The following KLF17 variants were observed in gnomAD, a reference collection of about 807,000 sequenced individuals.
KLF17 encodes Krueppel-like factor 17.
A neutral mutation model predicts 34.2 loss-of-function variants in KLF17; 31 were observed. The ratio of observed to expected loss-of-function variants is 0.91; its 90% CI spans 0.68 to 1.22. The LOEUF is 1.22. KLF17 is among the 50% of genes most tolerant of loss of function. KLF17 has a pLI of 0.00. For synonymous variants in KLF17, 179 were observed against 186.7 expected (o/e 0.96, Z 0.34); for missense variants, 478 against 505.2 (o/e 0.95, Z 0.52).
chr1:44,130,805 T>G (rs574092497), intron 3 of KLF17, 49 bp downstream of exon 3: 28 of 1,596,840 alleles, frequency 1.8e-5, no homozygotes, highest in Non-Finnish European at 2.4e-5. Context: ...TTTTTCCTTT[T>G]TATTTTTTTG....
Position 44,129,814 on chromosome 1 carries a change from CCT to C in KLF17, c.547_548del (p.Ser183AspfsTer5). ...TGNPPVPYPGLSTVPSDETLL... is the reference protein window; with the variant it reads ...TGNPPVPYPGXSTVPSDETLL... The stretch of plus-strand genomic sequence containing the variant: ...GGAACCCTCCAGTGCCTTACCCTGG[CCT>C]CTCGACAGTACCTTCTGACGAAACA... On this transcript the variant is annotated frameshift_variant, in exon 2 of 4. Transcript: ENST00000372299. LOFTEE classifies it high-confidence loss of function. 4.3e-6 allele frequency: 7 copies of C among 1,614,204 alleles called. No homozygotes were observed. Among genetic ancestry groups the C allele is most frequent in the Non-Finnish European group, 5.9e-6 (7 of 1,180,040 alleles).
chr1:44,103,549 T>C, the KLF17 span: 4 of 1,454,734 alleles, frequency 2.7e-6, no homozygotes, highest in South Asian at 4.6e-5. Context: ...ATACTCCTGT[T>C]CTGCATCCCA....
At position 44,133,756 on chromosome 1, in the gene KLF17, C is replaced by T. The variant is rs1191406631; in HGVS notation, c.*519C>T. 1 of 152,318 alleles carries T rather than the reference C, an allele frequency of 6.6e-6. No homozygotes were observed. Among genetic ancestry groups the T allele is most frequent in the African/African-American group, 2.4e-5 (1 of 41,452 alleles). 9.4% of individuals were successfully genotyped at this position (152,318 alleles called of 1,614,324 possible). A position where few individuals can be genotyped will look rare whatever the true frequency, so the allele number is the denominator to read the frequency against. Reference sequence around the variant, plus strand: ...ACCCTGACCTTGTCCTACTTCACTGCCTTTGTCTGTGTTACTAGTGGCCCC... The same window carrying T: ...ACCCTGACCTTGTCCTACTTCACTGTCTTTGTCTGTGTTACTAGTGGCCCC... On this transcript the variant is annotated 3_prime_UTR_variant, in exon 4 of 4. Transcript: ENST00000372299.
chr1:44,054,878 C>T, the KLF17 span, among the ~76,000 whole-genome samples: 1 of 149,360 alleles, frequency 6.7e-6, no homozygotes, highest in East Asian at 2.0e-4. Context: ...CTCCTGGGTT[C>T]AAGCAATTCT....
chr1:44,100,242 A>T, the KLF17 span, among the ~76,000 whole-genome samples: 1 of 145,198 alleles, frequency 6.9e-6, no homozygotes, highest in Admixed American at 7.2e-5. Flanking sequence ...TGGGTAACAG[A>T]GTGAGACTCC....
At chr1:44,100,703 CG>C in the KLF17 span, among the ~76,000 whole-genome samples, 3 of 151,700 alleles carry the variant, frequency 2.0e-5, no homozygotes, top group African/African-American at 7.3e-5. Flanking sequence ...TCACCTAGGC[CG>C]GAGTGCAGTG....
At chr1:44,086,786 C>T in the KLF17 span, among the ~76,000 whole-genome samples, 778 of 152,246 alleles carry the variant, frequency 5.1e-3, 4 homozygotes, top group African/African-American at 0.018. Flanking sequence ...TGTGGGAGTT[C>T]TCTCCTGGTG....
chr1:44,134,524 C>T lies in KLF17; in HGVS notation c.*1287C>T, dbSNP rs1312932716. ...CCTGGGCGACTGAGCGAGACTCTAT[C>T]TCAAAACAATCAAAACAAAAAAGAC... On this transcript the variant is annotated 3_prime_UTR_variant, in exon 4 of 4. Coordinates refer to ENST00000372299, the MANE Select transcript of KLF17 (RefSeq NM_173484.4). 6.6e-6 allele frequency: 1 copy of T among 152,162 alleles called. No individual in the cohort carries two copies. Among genetic ancestry groups the T allele is most frequent in the African/African-American group, 2.4e-5 (1 of 41,430 alleles). The allele number at this position is 152,162 out of a possible 1,614,324, so 9.4% of individuals were successfully genotyped here.
At chr1:44,095,496 T>A in the KLF17 span, among the ~76,000 whole-genome samples, 1 of 152,168 alleles carries the variant, frequency 6.6e-6, no homozygotes, top group African/African-American at 2.4e-5. Flanking sequence ...ATTACAGACA[T>A]GAGCCACCAT....
At chr1:44,091,653 A>G in the KLF17 span, among the ~76,000 whole-genome samples, 28 of 151,060 alleles carry the variant, frequency 1.9e-4, 1 homozygote, top group African/African-American at 3.1e-4. Flanking sequence ...AAAAAAAAAA[A>G]AAGAAGAACA....
chr1:44,116,068 G>A (rs2087876957), upstream of KLF17, among the ~76,000 whole-genome samples: 1 of 152,108 alleles, frequency 6.6e-6, no homozygotes, highest in South Asian at 2.1e-4. Flanking sequence ...TCTGCTCTGT[G>A]TGTCAAACAT....
In KLF17 at chr1:44,118,901, A is replaced by G; in HGVS notation, c.-7A>G. ...TCAGTAGAGAGTCTAGACCCCACCC[A>G]GTCTTCATGTACGGCCGACCGCAGG... On this transcript the variant is annotated 5_prime_UTR_variant, in exon 1 of 4. Transcript: ENST00000372299. 1.2e-6 allele frequency: 2 copies of G among 1,609,874 alleles called. No homozygotes were observed. The highest frequency in any genetic ancestry group is 1.7e-6 in the Non-Finnish European group (2 of 1,178,300).
At chr1:44,128,937 G>C (rs1352717341) in intron 1 of KLF17, among the ~76,000 whole-genome samples, 1 of 152,010 alleles carries the variant, frequency 6.6e-6, no homozygotes, top group Non-Finnish European at 1.5e-5. Flanking sequence ...ACTTGAACCC[G>C]GGAGACAGAG....
At chr1:44,122,432 T>A in intron 1 of KLF17, 1 of 1,404,692 alleles carries the variant, frequency 7.1e-7, no homozygotes, top group Non-Finnish European at 1.0e-6. Flanking sequence ...CTGTGACTGT[T>A]CCATGGACCT....
the KLF17 span, among the ~76,000 whole-genome samples, chr1:44,044,258 C>G: frequency 6.6e-6 from 1 of 152,324 alleles, no homozygotes; most frequent in East Asian, 1.9e-4. Flanking sequence ...AATGACCGGA[C>G]TGTGGTTGAC....
the KLF17 span, among the ~76,000 whole-genome samples, chr1:44,063,019 G>C: frequency 6.6e-6 from 1 of 152,180 alleles, no homozygotes; most frequent in South Asian, 2.1e-4. Context: ...TGGATACATT[G>C]TGTTGTACTC....
chr1:44,129,698 G>A lies in KLF17; in HGVS notation c.427G>A (p.Val143Ile), dbSNP rs1230922636. The A allele has an allele frequency of 1.2e-6, 2 of 1,614,166 alleles. No individual in the cohort carries two copies. Among genetic ancestry groups the A allele is most frequent in the Non-Finnish European group, 1.7e-6 (2 of 1,180,000 alleles). The change falls in exon 2 of 4, where the codon GTA becomes ATA. Residue 143 changes from valine (V) to isoleucine (I), a missense_variant. Val to Ile is a conservative substitution (Grantham distance 29, BLOSUM62 3). Coordinates refer to ENST00000372299, the MANE Select transcript of KLF17 (RefSeq NM_173484.4). ...MPVGEPNIPR[V>I]ARPFGGNLRM... ...CGTAGGAGAGCCCAATATTCCAAGG[G>A]TAGCCAGGCCCTTCGGTGGGAATCT...
chr1:44,091,526 C>A, the KLF17 span, among the ~76,000 whole-genome samples: 110 of 150,762 alleles, frequency 7.3e-4, no homozygotes, highest in African/African-American at 2.5e-3. Context: ...CATGGTGGCA[C>A]GCACCTGTAA....
Position 44,134,351 on chromosome 1 carries a change from T to G in KLF17, c.*1114T>G, listed in dbSNP as rs1156610578. 1 of 152,116 alleles carries G rather than the reference T, an allele frequency of 6.6e-6. No individual in the cohort carries two copies. Among genetic ancestry groups the G allele is most frequent in the Non-Finnish European group, 1.5e-5 (1 of 68,056 alleles). 9.4% of individuals were successfully genotyped at this position (152,116 alleles called of 1,614,324 possible). On this transcript the variant is annotated 3_prime_UTR_variant, in exon 4 of 4. Transcript: ENST00000372299. The stretch of plus-strand genomic sequence containing the variant: ...TTCGAGACCAGCCGGGCCAACATGG[T>G]GAAACCCCATCTCTACAAAAAATAC...
Sources: allele counts gnomAD v4.1 joint callset (sites outside exome capture counted in the v4.1 genomes callset), GRCh38; gene constraint gnomAD v4.1.1; transcripts MANE v1.5; gene names NCBI Gene and HGNC (gene_info 2026-07-23, HGNC 2026-07-21).